EEPD1: variants seen among roughly 807,000 people sequenced by gnomAD.
EEPD1 encodes endonuclease/exonuclease/phosphatase family domain-containing protein 1.
Under a neutral mutation model 46.3 loss-of-function variants are expected in EEPD1, and 17 were observed. The observed-to-expected ratio is 0.37, with a 90% CI of 0.25 to 0.55. The LOEUF is 0.55. Among genes scored for constraint, EEPD1 ranks in the 20% least tolerant of loss-of-function variants. The probability of loss-of-function intolerance (pLI) is 0.83; values close to 1 mark genes in which losing one functional copy is unlikely to be tolerated. For missense variants in EEPD1, 673 were observed against 745.6 expected (o/e 0.90, Z 1.13); for synonymous variants, 313 against 315.6 (o/e 0.99, Z 0.09).
chr7:36,281,317 A>G (rs1214019771), intron 4 of EEPD1, 92 bp downstream of exon 4: 7 of 1,125,788 alleles, frequency 6.2e-6, no homozygotes, highest in Admixed American at 4.4e-5. Flanking sequence ...TCCTTTGCCA[A>G]TATCCCCGGT....
chr7:36,207,536 T>A (rs1188831382), intron 2 of EEPD1, among the ~76,000 whole-genome samples: 1 of 152,186 alleles, frequency 6.6e-6, no homozygotes, highest in Non-Finnish European at 1.5e-5. Context: ...TTTGAGCTGG[T>A]CAGTCCTCAA....
chr7:36,207,596 G>A (rs577582987), intron 2 of EEPD1, among the ~76,000 whole-genome samples: 69 of 152,278 alleles, frequency 4.5e-4, no homozygotes, highest in African/African-American at 1.6e-3. Context: ...TCTTTAGGAC[G>A]GGGATAAGCG....
rs757864279 is a variant in EEPD1 at position 36,299,136 on chromosome 7, A to G, written c.1640A>G (p.Lys547Arg). The G allele has an allele frequency of 2.2e-5, 36 of 1,611,610 alleles. No homozygotes were observed. In the South Asian group the frequency reaches 4.0e-4, roughly 18 times the overall value. Residue 547 changes from lysine to arginine, a missense_variant, in exon 8 of 8, where the codon AAG becomes AGG. Coordinates refer to ENST00000242108, the MANE Select transcript of EEPD1 (RefSeq NM_030636.3). ...EFYTEKDWSK[K>R]DAPRNGSGVA... Reference sequence around the variant, plus strand: ...TACACTGAAAAGGACTGGAGCAAGAAGGATGCCCCTCGGAACGGCAGCGGG... The same window carrying G: ...TACACTGAAAAGGACTGGAGCAAGAGGGATGCCCCTCGGAACGGCAGCGGG...
At chr7:36,238,897 A>G in intron 2 of EEPD1, 88 bp from the exon 3 acceptor site, 2 of 1,318,248 alleles carry the variant, frequency 1.5e-6, no homozygotes, top group Non-Finnish European at 1.0e-6. Flanking sequence ...ATGAAATTTC[A>G]GCCTTTTGTT....
intron 2 of EEPD1, among the ~76,000 whole-genome samples, chr7:36,220,320 G>A (rs1359314377): frequency 6.6e-6 from 1 of 152,140 alleles, no homozygotes; most frequent in East Asian, 1.9e-4. Flanking sequence ...AAAACTTAAG[G>A]GGGAAGGGAA....
At chr7:36,271,683 C>T (rs1259033133) in intron 3 of EEPD1, among the ~76,000 whole-genome samples, 1 of 143,430 alleles carries the variant, frequency 7.0e-6, no homozygotes, top group Non-Finnish European at 1.5e-5. Flanking sequence ...GAAGTCTTTG[C>T]CCATGCCTAT....
chr7:36,264,187 T>C (rs556226249), intron 3 of EEPD1, among the ~76,000 whole-genome samples: 1 of 152,298 alleles, frequency 6.6e-6, no homozygotes, highest in African/African-American at 2.4e-5. Flanking sequence ...CTAGTTTCAT[T>C]TTGTTTCAGT....
intron 6 of EEPD1, among the ~76,000 whole-genome samples, chr7:36,292,313 T>C (rs557647082): frequency 6.6e-5 from 10 of 152,352 alleles, no homozygotes; most frequent in African/African-American, 2.4e-4. Flanking sequence ...AGCTGTTTTC[T>C]CTTAGAACCG....
At chr7:36,242,252 A>G (rs1201552182) in intron 3 of EEPD1, among the ~76,000 whole-genome samples, 3 of 152,198 alleles carry the variant, frequency 2.0e-5, no homozygotes, top group Admixed American at 6.5e-5. Flanking sequence ...GTGATCTCCA[A>G]GAGTTAGCTG....
intron 2 of EEPD1, among the ~76,000 whole-genome samples, chr7:36,219,872 G>T (rs911115468): frequency 1.3e-5 from 2 of 149,688 alleles, no homozygotes; most frequent in African/African-American, 4.9e-5. Context: ...CACATAAAGA[G>T]ATATATAAAA....
intron 2 of EEPD1, among the ~76,000 whole-genome samples, chr7:36,188,314 G>A (rs1057342902): frequency 8.5e-5 from 13 of 152,084 alleles, no homozygotes; most frequent in Non-Finnish European, 1.6e-4. Context: ...TGTATTTGAT[G>A]ATGAAGCCAG....
intron 3 of EEPD1, among the ~76,000 whole-genome samples, chr7:36,254,833 C>T (rs966723571): frequency 5.9e-5 from 9 of 152,226 alleles, no homozygotes; most frequent in Admixed American, 3.3e-4. Flanking sequence ...GCCATTCTAA[C>T]TGGCGTGAGA....
chr7:36,237,609 GTCTAT>G (rs1323252633), intron 2 of EEPD1, among the ~76,000 whole-genome samples: 2 of 152,190 alleles, frequency 1.3e-5, no homozygotes, highest in East Asian at 3.9e-4. Context: ...TTTGGGGCAA[GTCTAT>G]AAAGTGAAAG....
intron 3 of EEPD1, among the ~76,000 whole-genome samples, chr7:36,268,519 C>T (rs1787058025): frequency 6.6e-6 from 1 of 152,130 alleles, no homozygotes; most frequent in African/African-American, 2.4e-5. Flanking sequence ...AGAATGTTAC[C>T]AACCACAGCT....
chr7:36,154,653 C>A lies in EEPD1; in HGVS notation c.329C>A (p.Ser110Tyr). 1 of 1,613,944 alleles carries A rather than the reference C, an allele frequency of 6.2e-7. No individual in the cohort carries two copies. The part of the protein sequence containing the change: ...VSSKGSSAQH[S>Y]PSSLRRDLLA... ...AGCAAGGGCAGCTCAGCGCAGCACTCTCCCAGTTCCCTGCGGCGGGACCTG... is the reference window on the plus strand; with the variant it reads ...AGCAAGGGCAGCTCAGCGCAGCACTATCCCAGTTCCCTGCGGCGGGACCTG... The change falls in exon 2 of 8, where the codon TCT becomes TAT. Residue 110 changes from serine to tyrosine, a missense_variant. Ser to Tyr is a moderately radical substitution (Grantham distance 144). Transcript: ENST00000242108. The surrounding 1 kb of genome is among the most constrained non-coding windows in gnomAD (Gnocchi z 4.2).
chr7:36,291,951 T>C (rs1037251448), intron 6 of EEPD1, among the ~76,000 whole-genome samples: 2 of 152,224 alleles, frequency 1.3e-5, no homozygotes, highest in South Asian at 4.1e-4. Flanking sequence ...TTCATAACTA[T>C]CCCACTTCCT....
chr7:36,201,140 A>G lies in EEPD1; in HGVS notation c.879-37845A>G, dbSNP rs187313971. ...CTGAGAGGCAGTCTACAAATAACTGACCAGTACTCTTAAAATATTCTGAAG... is the reference window on the plus strand; with the variant it reads ...CTGAGAGGCAGTCTACAAATAACTGGCCAGTACTCTTAAAATATTCTGAAG... On this transcript the variant is annotated intron_variant, in intron 2 of 7. Coordinates refer to ENST00000242108, the MANE Select transcript of EEPD1 (RefSeq NM_030636.3). Among the ~76,000 whole-genome samples, 1,039 of 152,260 alleles carry G rather than the reference A, an allele frequency of 6.8e-3. 14 individuals are homozygous for G. The highest frequency in any genetic ancestry group is 0.023 in the African/African-American group (970 of 41,550).
At chr7:36,249,542 T>C (rs1038986429) in intron 3 of EEPD1, among the ~76,000 whole-genome samples, 3 of 152,190 alleles carry the variant, frequency 2.0e-5, no homozygotes, top group African/African-American at 7.2e-5. Context: ...AAAAAATCCG[T>C]GGTAGGTCTA....
At chr7:36,203,893 G>A (rs1253509724) in intron 2 of EEPD1, among the ~76,000 whole-genome samples, 1 of 151,630 alleles carries the variant, frequency 6.6e-6, no homozygotes, top group Non-Finnish European at 1.5e-5. Context: ...CTCTAGCTCC[G>A]GTGCTCATGA....
Sources: allele counts gnomAD v4.1 joint callset (sites outside exome capture counted in the v4.1 genomes callset), GRCh38; gene constraint gnomAD v4.1.1; non-coding constraint Gnocchi (gnomAD v3.1); transcripts MANE v1.5; gene names NCBI Gene and HGNC (gene_info 2026-07-23, HGNC 2026-07-21).